The following RSRC1 variants were observed in gnomAD, a reference collection of about 807,000 sequenced individuals.
The protein encoded by RSRC1 is serine/Arginine-related protein 53.
A neutral mutation model predicts 49.1 loss-of-function variants in RSRC1; 39 were observed. That is an observed-to-expected ratio of 0.79 (90% confidence interval 0.61 to 1.04). RSRC1 has a LOEUF of 1.04. RSRC1 is among the 50% of genes least tolerant of loss of function. The probability of loss-of-function intolerance (pLI) is 0.00; values close to 1 mark genes in which losing one functional copy is unlikely to be tolerated. For synonymous variants in RSRC1, 143 were observed against 130.8 expected (o/e 1.09, Z -0.63); for missense variants, 388 against 402.4 (o/e 0.96, Z 0.31).
intron 3 of RSRC1, among the ~76,000 whole-genome samples, chr3:158,172,072 A>G (rs1367799284): frequency 6.6e-6 from 1 of 152,204 alleles, no homozygotes; most frequent in Non-Finnish European, 1.5e-5. Context: ...ATGTGAGACA[A>G]TAATAAAATA....
chr3:158,367,840 T>C (rs1002876920), intron 6 of RSRC1, among the ~76,000 whole-genome samples: 1 of 152,202 alleles, frequency 6.6e-6, no homozygotes, highest in Non-Finnish European at 1.5e-5. Flanking sequence ...ACAAATCAAA[T>C]TCCTAATGTT....
At chr3:158,286,237 T>C (rs1482920780) in intron 4 of RSRC1, among the ~76,000 whole-genome samples, 1 of 152,150 alleles carries the variant, frequency 6.6e-6, no homozygotes, top group Non-Finnish European at 1.5e-5. Context: ...GAGGTTATTG[T>C]TTTTTAGAGT....
chr3:158,173,832 G>A (rs1204526092), intron 3 of RSRC1, among the ~76,000 whole-genome samples: 1 of 151,884 alleles, frequency 6.6e-6, no homozygotes, highest in Non-Finnish European at 1.5e-5. Context: ...AAAATTATGA[G>A]AAGTGAAAGA....
intron 7 of RSRC1, among the ~76,000 whole-genome samples, chr3:158,465,226 T>A (rs1578513641): frequency 6.6e-6 from 1 of 152,136 alleles, no homozygotes; most frequent in East Asian, 1.9e-4. Flanking sequence ...TGTAAGATAC[T>A]CATAGTGTGT....
intron 6 of RSRC1, among the ~76,000 whole-genome samples, chr3:158,426,096 T>C (rs1735422898): frequency 6.6e-6 from 1 of 151,660 alleles, no homozygotes; most frequent in Admixed American, 6.6e-5. Context: ...TCAAAAGGCT[T>C]AGATATTAAA....
At chr3:158,340,400 G>A (rs1301841518) in intron 5 of RSRC1, among the ~76,000 whole-genome samples, 1 of 152,064 alleles carries the variant, frequency 6.6e-6, no homozygotes, top group South Asian at 2.1e-4. Context: ...AATTAGCTGG[G>A]CATGATGGCA....
Position 158,135,453 on chromosome 3 carries a change from A to C in RSRC1, c.320+11462A>C, listed in dbSNP as rs1431065733. ...CCCAGCTATTTTTTTTTTTTTTTTG[A>C]ATTTTTAGTAGAGACAGGGTTTTAC... On this transcript the variant is annotated intron_variant, in intron 3 of 9. Transcript: ENST00000611884. Among the ~76,000 whole-genome samples, 4 of 141,650 alleles carry C rather than the reference A, an allele frequency of 2.8e-5. No individual in the cohort carries two copies. In the South Asian group the frequency reaches 8.9e-4, roughly 31 times the overall value. 92.9% of individuals were successfully genotyped at this position (141,650 alleles called of 152,430 possible).
chr3:158,127,289 C>G (rs1715688870), intron 3 of RSRC1, among the ~76,000 whole-genome samples: 1 of 152,066 alleles, frequency 6.6e-6, no homozygotes, highest in African/African-American at 2.4e-5. Flanking sequence ...CTATCTTCTT[C>G]TATAACTCCA....
rs144667593 is a variant in RSRC1 at position 158,254,184 on chromosome 3, G to C, written c.495-43855G>C. On this transcript the variant is annotated intron_variant, in intron 4 of 9. Coordinates refer to ENST00000611884, the MANE Select transcript of RSRC1 (RefSeq NM_001271838.2). ...CTATCATTGATGGACATTTGGGTTG[G>C]TTCCACGTCTTTGCTATTGTGAATA... 2.6e-3 allele frequency among the ~76,000 whole-genome samples: 399 copies of C among 152,246 alleles called. 4 individuals are homozygous for C. The highest frequency in any genetic ancestry group is 9.2e-3 in the African/African-American group (381 of 41,520).
chr3:158,168,500 C>A (rs769770585), intron 3 of RSRC1, among the ~76,000 whole-genome samples: 1 of 152,108 alleles, frequency 6.6e-6, no homozygotes, highest in Admixed American at 6.6e-5. Flanking sequence ...TGTTTAGTCA[C>A]TCTCATTTTG....
At chr3:158,354,988 A>T (rs201295997) in intron 6 of RSRC1, 80 bp downstream of exon 6, 17 of 213,670 alleles carry the variant, frequency 8.0e-5, no homozygotes, top group African/African-American at 4.7e-4. Context: ...AGAAATGAGT[A>T]AAAAAAAAAA....
chr3:158,194,319 G>A (rs1212129682), intron 3 of RSRC1, among the ~76,000 whole-genome samples: 1 of 149,326 alleles, frequency 6.7e-6, no homozygotes, highest in Non-Finnish European at 1.5e-5. Context: ...GGAAAGGAAA[G>A]AAGAAAAGAA....
chr3:158,425,882 G>A (rs779589560), intron 6 of RSRC1, among the ~76,000 whole-genome samples: 8 of 151,886 alleles, frequency 5.3e-5, no homozygotes, highest in Non-Finnish European at 7.4e-5. Context: ...TGAGAAGAAA[G>A]AGGAGCGGTG....
intron 4 of RSRC1, among the ~76,000 whole-genome samples, chr3:158,224,898 G>A (rs1042621391): frequency 6.6e-6 from 1 of 151,742 alleles, no homozygotes; most frequent in Non-Finnish European, 1.5e-5. Flanking sequence ...AAAGAACAAA[G>A]GATATTTTCT....
intron 4 of RSRC1, among the ~76,000 whole-genome samples, chr3:158,238,402 T>C (rs1723362075): frequency 6.6e-6 from 1 of 152,210 alleles, no homozygotes; most frequent in South Asian, 2.1e-4. Context: ...AGAACCCGCA[T>C]CTCCAAGTCA....
intron 6 of RSRC1, among the ~76,000 whole-genome samples, chr3:158,386,433 T>C (rs1314284477): frequency 6.6e-6 from 1 of 152,096 alleles, no homozygotes; most frequent in East Asian, 1.9e-4. Flanking sequence ...CTTTGCCCAA[T>C]TTATTCTCAT....
At chr3:158,140,539 G>A (rs1285691059) in intron 3 of RSRC1, among the ~76,000 whole-genome samples, 2 of 152,138 alleles carry the variant, frequency 1.3e-5, no homozygotes. Flanking sequence ...TTTTATGAGT[G>A]TAATAATCCC....
chr3:158,286,649 AG>A (rs1469740622), intron 4 of RSRC1, among the ~76,000 whole-genome samples: 1 of 152,240 alleles, frequency 6.6e-6, no homozygotes, highest in Non-Finnish European at 1.5e-5. Flanking sequence ...ATTATTTCCT[AG>A]CACTATTAGA....
chr3:158,491,536 G>A (rs1189287638), intron 7 of RSRC1, among the ~76,000 whole-genome samples: 6 of 151,984 alleles, frequency 3.9e-5, no homozygotes, highest in African/African-American at 9.7e-5. Context: ...TAAGGCTTTC[G>A]GTATAATTGG....
Sources: allele counts gnomAD v4.1 joint callset (sites outside exome capture counted in the v4.1 genomes callset), GRCh38; gene constraint gnomAD v4.1.1; transcripts MANE v1.5; gene names NCBI Gene and HGNC (gene_info 2026-07-23, HGNC 2026-07-21).